AP4E1: variants seen among roughly 807,000 people sequenced by gnomAD.
AP4E1 encodes the protein adaptor related protein complex 4 subunit epsilon 1.
AP4E1 carries 56 observed loss-of-function variants against 128.2 expected under a neutral mutation model. The ratio of observed to expected loss-of-function variants is 0.44; its 90% CI spans 0.35 to 0.55. The LOEUF (loss-of-function observed/expected upper bound fraction) is 0.55, where lower values mean the gene tolerates loss of function less well. Ranked by LOEUF, AP4E1 falls within the 20% of genes least tolerant of loss-of-function variation. The probability of loss-of-function intolerance (pLI) is 0.00; values close to 1 mark genes in which losing one functional copy is unlikely to be tolerated. For missense variants in AP4E1, 1,324 were observed against 1,307.7 expected (o/e 1.01, Z -0.19); for synonymous variants, 484 against 473.1 (o/e 1.02, Z -0.30).
rs1217436285 is a variant in AP4E1 at position 50,923,930 on chromosome 15, G to T, written c.347-1G>T. ...TCAGACTTTTCCCTCAACTTTTATA[G>T]GTTATTTGGCTGTTTCCTTATTTCT... On this transcript the variant is annotated splice_acceptor_variant, in intron 3 of 20. Transcript: ENST00000261842. LOFTEE classifies it high-confidence loss of function. The T allele has an allele frequency of 6.2e-7, 1 of 1,609,996 alleles. No homozygotes were observed. The highest frequency in any genetic ancestry group is 8.5e-7 in the Non-Finnish European group (1 of 1,176,920).
At chr15:50,972,133 T>C (rs1306819045) in intron 15 of AP4E1, among the ~76,000 whole-genome samples, 1 of 152,198 alleles carries the variant, frequency 6.6e-6, no homozygotes, top group Non-Finnish European at 1.5e-5. Flanking sequence ...ATGGGTCTTA[T>C]TTGTATAAAT....
intron 19 of AP4E1, among the ~76,000 whole-genome samples, chr15:51,000,752 G>A (rs1035956130): frequency 8.6e-5 from 13 of 152,012 alleles, no homozygotes; most frequent in Non-Finnish European, 1.6e-4. Flanking sequence ...GAAATTACTT[G>A]GTAAAATCTT....
At chr15:50,936,432 A>C (rs918861712) in intron 8 of AP4E1, among the ~76,000 whole-genome samples, 3 of 138,074 alleles carry the variant, frequency 2.2e-5, no homozygotes, top group Non-Finnish European at 3.2e-5. Flanking sequence ...TAATTTTTTT[A>C]TTTTTTTGAA....
intron 15 of AP4E1, among the ~76,000 whole-genome samples, chr15:50,982,438 A>T (rs964837157): frequency 3.3e-5 from 5 of 152,196 alleles, no homozygotes; most frequent in Non-Finnish European, 7.4e-5. Context: ...AGAGTTTTTT[A>T]AAAATGAGAC....
intron 10 of AP4E1, among the ~76,000 whole-genome samples, chr15:50,946,700 C>G (rs1378489204): frequency 2.0e-5 from 3 of 152,130 alleles, no homozygotes; most frequent in Non-Finnish European, 4.4e-5. Context: ...TATTGCTGAT[C>G]CTAAAACACC....
In AP4E1 at chr15:50,941,684, A is replaced by T; in HGVS notation, c.1085A>T (p.Tyr362Phe). 1 of 1,613,624 alleles carries T rather than the reference A, an allele frequency of 6.2e-7. No homozygotes were observed. The highest frequency in any genetic ancestry group is 8.5e-7 in the Non-Finnish European group (1 of 1,179,702). The change falls in exon 10 of 21, where the codon TAT becomes TTT. Residue 362 changes from tyrosine to phenylalanine, a missense_variant. By Grantham distance (22) the Tyr-to-Phe change is conservative. Coordinates refer to ENST00000261842, the MANE Select transcript of AP4E1 (RefSeq NM_007347.5). Reference protein sequence around the residue: ...LKYLGLKALTYVIQQDPTLAL... With the variant: ...LKYLGLKALTFVIQQDPTLAL... ...TTTCTAGGACTGAAGGCTCTTACCT[A>T]TGTTATCCAACAGGATCCTACTCTG...
chr15:50,985,508 C>T (rs1325847466), intron 16 of AP4E1, among the ~76,000 whole-genome samples: 3 of 152,150 alleles, frequency 2.0e-5, no homozygotes, highest in African/African-American at 2.4e-5. Flanking sequence ...GGAAGGGATC[C>T]AGTTTCAGCT....
intron 15 of AP4E1, among the ~76,000 whole-genome samples, chr15:50,973,611 A>G (rs1001031489): frequency 5.9e-5 from 9 of 152,174 alleles, no homozygotes; most frequent in African/African-American, 2.2e-4. Flanking sequence ...CAACCAGTCC[A>G]TTCCTCAATC....
At chr15:50,917,414 C>T (rs936532993) in intron 3 of AP4E1, among the ~76,000 whole-genome samples, 1 of 152,134 alleles carries the variant, frequency 6.6e-6, no homozygotes, top group African/African-American at 2.4e-5. Flanking sequence ...TCTTTGCTTT[C>T]TAATCTTTCC....
At chr15:50,913,672 GAT>G (rs2063592240) in intron 2 of AP4E1, among the ~76,000 whole-genome samples, 1 of 152,232 alleles carries the variant, frequency 6.6e-6, no homozygotes, top group African/African-American at 2.4e-5. Flanking sequence ...AAAACTCTGA[GAT>G]AAAATGTTAC....
Position 50,949,950 on chromosome 15 carries a change from A to G in AP4E1, c.1429+12A>G, listed in dbSNP as rs768941074. 2 of 1,602,146 alleles carry G rather than the reference A, an allele frequency of 1.2e-6. No individual in the cohort carries two copies. Among genetic ancestry groups the G allele is most frequent in the East Asian group, 2.2e-5 (1 of 44,698 alleles). On this transcript the variant is annotated intron_variant, in intron 12 of 20. Coordinates refer to ENST00000261842, the MANE Select transcript of AP4E1 (RefSeq NM_007347.5). ...ACTACTAGCGGAAGGTTGGTACACTATTATATTCTGTAAAGTAAACATTTT... is the reference window on the plus strand; with the variant it reads ...ACTACTAGCGGAAGGTTGGTACACTGTTATATTCTGTAAAGTAAACATTTT...
chr15:50,954,217 AT>A (rs35337534), intron 13 of AP4E1, among the ~76,000 whole-genome samples: 35,176 of 151,974 alleles, frequency 0.23, 4,362 homozygotes, highest in East Asian at 0.45. Flanking sequence ...TGTAGTTTTC[AT>A]TTTTGTGGTA....
At position 50,941,556 on chromosome 15, in the gene AP4E1, A is replaced by G; in HGVS notation, c.1058A>G (p.Lys353Arg). Residue 353 changes from lysine to arginine, a missense_variant, in exon 9 of 21, where the codon AAA becomes AGA. Coordinates refer to ENST00000261842, the MANE Select transcript of AP4E1 (RefSeq NM_007347.5). ...GTTCTGTCACCTAAAATAAATCTAA[A>G]ATATTTAGGTAAGATGATTGGTTCT... ...KFVLSPKINL[K>R]YLGLKALTYV... The G allele has an allele frequency of 6.2e-7, 1 of 1,612,874 alleles. No homozygotes were observed. The highest frequency in any genetic ancestry group is 1.1e-5 in the South Asian group (1 of 91,014).
At chr15:50,948,521 T>C (rs2064097200) in intron 11 of AP4E1, among the ~76,000 whole-genome samples, 1 of 151,824 alleles carries the variant, frequency 6.6e-6, no homozygotes, top group South Asian at 2.1e-4. Context: ...TGTGTGGGAG[T>C]GGTCAGGATG....
At chr15:50,983,991 A>G (rs2064679904) in intron 15 of AP4E1, 31 bp from the exon 16 acceptor site, 3 of 1,607,306 alleles carry the variant, frequency 1.9e-6, no homozygotes, top group East Asian at 2.2e-5. Flanking sequence ...TGTTTTAAAT[A>G]TGAACCTCTG....
At chr15:50,945,589 C>A (rs2064048764) in intron 10 of AP4E1, 2 of 748,164 alleles carry the variant, frequency 2.7e-6, no homozygotes, top group African/African-American at 1.7e-5. Flanking sequence ...TTGTATCTTT[C>A]CTATAGACAA....
chr15:50,924,001 A>G lies in AP4E1; in HGVS notation c.417A>G (p.Val139=), dbSNP rs1374056570. The change falls in exon 4 of 21, where the codon GTA becomes GTG. Residue 139 remains valine (V), a synonymous_variant. Transcript: ENST00000261842. The part of the protein sequence containing the change: ...ELLLLLVNTV[V]KDLQSTNLVE... ...TGCTTCTCCTTGTGAATACAGTTGT[A>G]AAGGTATTGTATTGTATGTTGGTTA... The G allele has an allele frequency of 1.9e-6, 3 of 1,604,326 alleles. 1 individual carries two copies. In the South Asian group the frequency reaches 3.3e-5, roughly 18 times the overall value.
At chr15:50,922,121 G>A (rs1277494412) in intron 3 of AP4E1, among the ~76,000 whole-genome samples, 3 of 133,494 alleles carry the variant, frequency 2.2e-5, no homozygotes, top group East Asian at 2.4e-4. Flanking sequence ...GAGTCTGGGC[G>A]TTTGAGACCA....
chr15:50,934,209 T>A (rs746653569), intron 7 of AP4E1, among the ~76,000 whole-genome samples: 1 of 152,114 alleles, frequency 6.6e-6, no homozygotes, highest in African/African-American at 2.4e-5. Flanking sequence ...GAAAGACTAG[T>A]ATTTGAAAAC....
Sources: gnomAD v4.1 joint callset for allele counts (sites outside exome capture counted in the v4.1 genomes callset) on GRCh38, gnomAD v4.1.1 for gene constraint, MANE v1.5 for transcripts, NCBI Gene and HGNC (gene_info 2026-07-23, HGNC 2026-07-21) for gene names.